Variants in ANO8 observed in about 807,000 individuals in gnomAD.
The protein encoded by ANO8 is anoctamin-8.
ANO8 carries 67 observed loss-of-function variants against 120.4 expected under a neutral mutation model. The observed-to-expected ratio is 0.56, with a 90% CI of 0.46 to 0.68. ANO8 has a LOEUF of 0.68. Among genes scored for constraint, ANO8 ranks in the 30% least tolerant of loss-of-function variants. The pLI, the probability that ANO8 is intolerant of heterozygous loss-of-function variation, is 0.00. For synonymous variants in ANO8, 727 were observed against 759.2 expected (o/e 0.96, Z 0.70); for missense variants, 1,526 against 1,737.6 (o/e 0.88, Z 2.16).
Position 17,328,785 on chromosome 19 carries a change from C to G in ANO8, c.1603G>C (p.Gly535Arg), listed in dbSNP as rs974733468. Residue 535 changes from glycine (G) to arginine (R), a missense_variant, in exon 13 of 18, where the codon GGC becomes CGC. Physicochemically the swap from Gly to Arg is moderately radical, Grantham distance 125 (BLOSUM62 -2). This residue lies in a region of ANO8 where 467 missense variants were observed against 425.8 expected (regional missense o/e 1.10). Coordinates refer to ENST00000159087, the MANE Select transcript of ANO8 (RefSeq NM_020959.3). The stretch of plus-strand genomic sequence containing the variant: ...CGGCCCCCGCCCCCGCTGCCGCCGC[C>G]CCCGCCCTCATCCGCCTGGGGTTCG... ...RLEPQADEGG[G>R]GGSGGGGRRC... 11 of 1,361,558 alleles carry G rather than the reference C, an allele frequency of 8.1e-6. No homozygotes were observed. The Admixed American group carries it at 1.6e-4, about 19-fold the overall frequency. The allele number at this position is 1,361,558 out of a possible 1,614,324, so 84.3% of individuals were successfully genotyped here. A position where few individuals can be genotyped will look rare whatever the true frequency, so the allele number is the denominator to read the frequency against.
In ANO8 at chr19:17,327,262, C is replaced by T. The variant is rs564881471; in HGVS notation, c.2634G>A (p.Leu878=). 1.9e-6 allele frequency: 3 copies of T among 1,548,034 alleles called. No homozygotes were observed. Among genetic ancestry groups the T allele is most frequent in the African/African-American group, 2.7e-5 (2 of 73,080 alleles). ...PGWVAEEMAK[L]EYQRREAFKR... ...TAAAGGCCTCGCGGCGCTGGTACTC[C>T]AGCTTGGCCATTTCCTCGGCCACCC... is the stretch of plus-strand genomic sequence containing the variant. Residue 878 remains leucine, a synonymous_variant, in exon 16 of 18, where the codon CTG becomes CTA. Transcript: ENST00000159087.
rs1555724994 is a variant in ANO8 at position 17,329,745 on chromosome 19, C to A, written c.1404+12G>T. ...GGGGCAGGGGGGACTGCCGCTGGGGCGGGGGTCTCACCTCTTTCAAGCGCT... is the reference window on the plus strand; with the variant it reads ...GGGGCAGGGGGGACTGCCGCTGGGGAGGGGGTCTCACCTCTTTCAAGCGCT... On this transcript the variant is annotated intron_variant, in intron 12 of 17. Transcript: ENST00000159087. The A allele has an allele frequency of 3.7e-6, 6 of 1,607,778 alleles. No homozygotes were observed. Among genetic ancestry groups the A allele is most frequent in the Non-Finnish European group, 5.1e-6 (6 of 1,177,474 alleles).
intron 8 of ANO8, 66 bp downstream of exon 8, chr19:17,330,762 C>A: frequency 6.5e-7 from 1 of 1,548,688 alleles, no homozygotes; most frequent in Non-Finnish European, 8.7e-7. Flanking sequence ...GCCTTTGCTC[C>A]TGCAGTGCCC....
At position 17,333,685 on chromosome 19, in the gene ANO8, G is replaced by T. The variant is rs1039577866; in HGVS notation, c.217+5C>A. 1 of 1,581,280 alleles carries T rather than the reference G, an allele frequency of 6.3e-7. No individual in the cohort carries two copies. The highest frequency in any genetic ancestry group is 2.3e-5 in the East Asian group (1 of 42,898). ...CTGGGCGGGCGGGCGGGCGGGCTTG[G>T]GTACCTGGGAAGGTCATCAGCACGT... On this transcript the variant is annotated splice_donor_5th_base_variant and intron_variant, in intron 2 of 17. Transcript: ENST00000159087. The surrounding 1 kb of genome is among the most constrained non-coding windows in gnomAD (Gnocchi z 7.2).
rs766074988 is a variant in ANO8, at chr19:17,330,346, G to T, written c.1146+6C>A. 2 of 1,604,260 alleles carry T rather than the reference G, an allele frequency of 1.2e-6. No individual in the cohort carries two copies. The highest frequency in any genetic ancestry group is 4.5e-5 in the East Asian group (2 of 44,598). ...GGACAGGGCGGGTGAGGGTATGGGG[G>T]GTCACCTGCAGCTGGAAGCAGCCAA... On this transcript the variant is annotated splice_donor_region_variant and intron_variant, in intron 9 of 17. Transcript: ENST00000159087.
At chr19:17,332,045 C>T (rs2074323055) in intron 5 of ANO8, among the ~76,000 whole-genome samples, 1 of 147,306 alleles carries the variant, frequency 6.8e-6, no homozygotes. Context: ...AGCGATTCTC[C>T]TGCCTCAGCC....
chr19:17,325,027 C>G lies in ANO8; in HGVS notation c.3021G>C (p.Arg1007=). 6.2e-7 allele frequency: 1 copy of G among 1,612,950 alleles called. No homozygotes were observed. Among genetic ancestry groups the G allele is most frequent in the Non-Finnish European group, 8.5e-7 (1 of 1,179,858 alleles). ...LAAAGAGATT[R]PPPAQSPTGS... is the part of the protein sequence containing the mutation. The stretch of plus-strand genomic sequence containing the variant: ...CTGTGGGTGACTGGGCAGGGGGAGG[C>G]CGGGTGGTGGCTCCGGCCCCTGCAG... The change falls in exon 17 of 18, where the codon CGG becomes CGC. Residue 1007 remains arginine, a synonymous_variant. Transcript: ENST00000159087.
chr19:17,327,412 GCCC>G (rs746912281), intron 15 of ANO8, 23 bp downstream of exon 15: 1 of 1,579,844 alleles, frequency 6.3e-7, no homozygotes, highest in South Asian at 1.1e-5. Flanking sequence ...CCTCCCAGCT[GCCC>G]CCGCCCCTGT....
Position 17,325,000 on chromosome 19 carries a change from G to A in ANO8, c.3048C>T (p.Gly1016=). Residue 1016 remains glycine, a synonymous_variant, in exon 17 of 18, where the codon GGC becomes GGT. Coordinates refer to ENST00000159087, the MANE Select transcript of ANO8 (RefSeq NM_020959.3). ...TRPPPAQSPT[G]SDTRLPAFLS... Reference sequence around the variant, plus strand: ...GGAAGGCAGGCAGGCGGGTGTCGCTGCCTGTGGGTGACTGGGCAGGGGGAG... The same window carrying A: ...GGAAGGCAGGCAGGCGGGTGTCGCTACCTGTGGGTGACTGGGCAGGGGGAG... 6.2e-7 allele frequency: 1 copy of A among 1,612,980 alleles called. No individual in the cohort carries two copies. Among genetic ancestry groups the A allele is most frequent in the South Asian group, 1.1e-5 (1 of 91,074 alleles).
rs1451641208 is a variant in ANO8, at chr19:17,334,640, T to C, written c.31A>G (p.Thr11Ala). 2.7e-6 allele frequency: 4 copies of C among 1,490,762 alleles called. No individual in the cohort carries two copies. In the Admixed American group the frequency reaches 6.7e-5, roughly 25 times the overall value. The allele number at this position is 1,490,762 out of a possible 1,614,324, so 92.3% of individuals were successfully genotyped here. A position where few individuals can be genotyped will look rare whatever the true frequency, so the allele number is the denominator to read the frequency against. MAEAASGAGG[T>A]SLEGERGKRP... ...TTGCCACGCTCGCCCTCCAGGGACG[T>C]GCCCCCGGCGCCGGAGGCGGCCTCG... The change falls in exon 1 of 18, where the codon ACG becomes GCG. Residue 11 changes from threonine (T) to alanine (A), a missense_variant. Thr to Ala is a moderately conservative substitution (Grantham distance 58). Around this residue, in one of 8 missense-constraint regions of ANO8, gnomAD observed 53 missense variants for 45.0 expected, o/e 1.18. Transcript: ENST00000159087.
rs943316236 is a variant in ANO8 at position 17,325,068 on chromosome 19, T to C, written c.2980A>G (p.Thr994Ala). The change falls in exon 17 of 18, where the codon ACA (threonine) becomes GCA (alanine). Residue 994 changes from threonine to alanine, a missense_variant. Around this residue, in one of 8 missense-constraint regions of ANO8, gnomAD observed 489 missense variants for 548.6 expected, o/e 0.89. Transcript: ENST00000159087. ...GCCCCTGCAGCAGCCAGTGAGGATG[T>C]GGCCCCTGACGAGAGGAATTTGCCC... ...LQGKFLSSGA[T>A]SSLAAAGAGA... is the part of the protein sequence containing the mutation. The C allele has an allele frequency of 6.2e-7, 1 of 1,613,512 alleles. No homozygotes were observed. The highest frequency in any genetic ancestry group is 8.5e-7 in the Non-Finnish European group (1 of 1,179,890).
In ANO8 at chr19:17,325,111, C is replaced by T. The variant is rs1408121919; in HGVS notation, c.2937G>A (p.Lys979=). The change falls in exon 17 of 18, where the codon AAG becomes AAA. Residue 979 remains lysine (K), a synonymous_variant. Transcript: ENST00000159087. The part of the protein sequence containing the change: ...LLAPNNVMKL[K]QIIPLQGKFL... ...ATTTGCCCTGCAGTGGGATGATCTG[C>T]TTCAACTTCATGACGTTGTTGGGTG... 6.2e-7 allele frequency: 1 copy of T among 1,613,682 alleles called. No individual in the cohort carries two copies. Among genetic ancestry groups the T allele is most frequent in the Admixed American group, 1.7e-5 (1 of 60,024 alleles).
chr19:17,330,827 C>A lies in ANO8; in HGVS notation c.993+1G>T, dbSNP rs1234081129. The A allele has an allele frequency of 6.2e-7, 1 of 1,613,308 alleles. No individual in the cohort carries two copies. The highest frequency in any genetic ancestry group is 8.5e-7 in the Non-Finnish European group (1 of 1,179,552). ...GACCCTGGACTCAGCCCCCAACTGA[C>A]CCTGAACTGGGGGCGTGGCTCCTCC... On this transcript the variant is annotated splice_donor_variant, in intron 8 of 17. Coordinates refer to ENST00000159087, the MANE Select transcript of ANO8 (RefSeq NM_020959.3). LOFTEE classifies it high-confidence loss of function.
At chr19:17,329,423 G>A in intron 12 of ANO8, 1 of 399,782 alleles carries the variant, frequency 2.5e-6, no homozygotes. Context: ...GGCCCGGGCC[G>A]CGAGCAGGAG....
In ANO8 at chr19:17,325,188, T is replaced by C. The variant is rs2074265858; in HGVS notation, c.2860A>G (p.Thr954Ala). The change falls in exon 17 of 18, where the codon ACT becomes GCT. Residue 954 changes from threonine to alanine, a missense_variant. This residue lies in a region of ANO8 where 489 missense variants were observed against 548.6 expected (regional missense o/e 0.89). Coordinates refer to ENST00000159087, the MANE Select transcript of ANO8 (RefSeq NM_020959.3). The part of the protein sequence containing the change: ...EKASAKAKGS[T>A]AGGHGPERPK... ...CGTTCAGGCCCGTGGCCACCCGCAG[T>C]GCTGCCCTTGGCCTTGGCAGAGGCC... The C allele has an allele frequency of 6.2e-7, 1 of 1,613,038 alleles. No homozygotes were observed. Among genetic ancestry groups the C allele is most frequent in the African/African-American group, 1.3e-5 (1 of 75,060 alleles).
rs377640707 is a variant in ANO8, at chr19:17,325,046, C to T, written c.3002G>A (p.Gly1001Glu). ...SGATSSLAAA[G>E]AGATTRPPPA... The stretch of plus-strand genomic sequence containing the variant: ...GGGAGGCCGGGTGGTGGCTCCGGCC[C>T]CTGCAGCAGCCAGTGAGGATGTGGC... The change falls in exon 17 of 18, where the codon GGG becomes GAG. Residue 1001 changes from glycine to glutamate, a missense_variant. Gly to Glu is a moderately conservative substitution (Grantham distance 98). This residue lies in a region of ANO8 where 489 missense variants were observed against 548.6 expected (regional missense o/e 0.89). Transcript: ENST00000159087. 3.5e-5 allele frequency: 57 copies of T among 1,612,724 alleles called. No homozygotes were observed. The Admixed American group carries it at 8.8e-4, about 25-fold the overall frequency.
At position 17,329,991 on chromosome 19, in the gene ANO8, A is replaced by G; in HGVS notation, c.1297T>C (p.Tyr433His). 6.2e-7 allele frequency: 1 copy of G among 1,613,540 alleles called. No individual in the cohort carries two copies. Among genetic ancestry groups the G allele is most frequent in the Non-Finnish European group, 8.5e-7 (1 of 1,179,918 alleles). ...ACTTTGATGATGAGGTGCTTCTCAT[A>G]GGCGCTCTCCAGCCGGTAATTTTCT... ...DMENYRLESA[Y>H]EKHLIIKVVL... is the part of the protein sequence containing the mutation. The change falls in exon 11 of 18, where the codon TAT becomes CAT. Residue 433 changes from tyrosine to histidine, a missense_variant. Around this residue, in one of 8 missense-constraint regions of ANO8, gnomAD observed 23 missense variants for 53.3 expected, o/e 0.43. Coordinates refer to ENST00000159087, the MANE Select transcript of ANO8 (RefSeq NM_020959.3).
Position 17,327,818 on chromosome 19 carries a change from G to A in ANO8, c.2289C>T (p.Ser763=), listed in dbSNP as rs1243669891. 3.7e-6 allele frequency: 6 copies of A among 1,614,232 alleles called. No individual in the cohort carries two copies. Among genetic ancestry groups the A allele is most frequent in the Non-Finnish European group, 4.2e-6 (5 of 1,180,022 alleles). The change falls in exon 14 of 18, where the codon TCC becomes TCT. Residue 763 remains serine (S), a synonymous_variant. Coordinates refer to ENST00000159087, the MANE Select transcript of ANO8 (RefSeq NM_020959.3). ...CGCACAGCGCCGCCAGGGGGAAGGC[G>A]GACGAGAAGAGCACAACGTAGCCGA... is the stretch of plus-strand genomic sequence containing the variant. ...VQFGYVVLFS[S]AFPLAALCAL... is the part of the protein sequence containing the mutation.
At position 17,328,354 on chromosome 19, in the gene ANO8, C is replaced by A. The variant is rs928460128; in HGVS notation, c.2034G>T (p.Leu678Phe). 22 of 1,577,162 alleles carry A rather than the reference C, an allele frequency of 1.4e-5. No individual in the cohort carries two copies. The highest frequency in any genetic ancestry group is 1.8e-5 in the Admixed American group (1 of 54,842). ...GSPEREPPAI[L>F]FRRAGGEGRD... ...GGCCCTCGCCCCCGGCCCGGCGGAA[C>A]AAGATGGCCGGGGGCTCCCGTTCAG... is the stretch of plus-strand genomic sequence containing the variant. The change falls in exon 13 of 18, where the codon TTG becomes TTT. Residue 678 changes from leucine (L) to phenylalanine (F), a missense_variant. Leu to Phe is a conservative substitution (Grantham distance 22). Around this residue, in one of 8 missense-constraint regions of ANO8, gnomAD observed 467 missense variants for 425.8 expected, o/e 1.10. Transcript: ENST00000159087.
Sources: allele counts gnomAD v4.1 joint callset (sites outside exome capture counted in the v4.1 genomes callset), GRCh38; gene constraint gnomAD v4.1.1; regional missense constraint gnomAD v4.1.1; non-coding constraint Gnocchi (gnomAD v3.1); transcripts MANE v1.5; gene names NCBI Gene and HGNC (gene_info 2026-07-23, HGNC 2026-07-21).